Variants in LRIG2 observed in about 807,000 individuals in gnomAD.
LRIG2 encodes leucine rich repeats and immunoglobulin like domains 2.
In LRIG2, 93 loss-of-function variants were observed where a neutral mutation model predicts 107.8. That is an observed-to-expected ratio of 0.86 (90% CI 0.73 to 1.03). The LOEUF (loss-of-function observed/expected upper bound fraction) is 1.03, where lower values mean the gene tolerates loss of function less well. Ranked by LOEUF, LRIG2 falls within the 50% of genes least tolerant of loss-of-function variation. LRIG2 has a pLI of 0.00. For synonymous variants in LRIG2, 471 were observed against 470.6 expected (o/e 1.00, Z -0.01); for missense variants, 1,226 against 1,296.0 (o/e 0.95, Z 0.83).
intron 17 of LRIG2, 76 bp from the exon 18 acceptor site, chr1:113,123,799 A>G: frequency 8.9e-7 from 1 of 1,118,110 alleles, no homozygotes; most frequent in Non-Finnish European, 1.3e-6. Context: ...GAACATCTTT[A>G]TTTCTTTGAG....
At chr1:113,094,853 C>A (rs746008678) in intron 6 of LRIG2, 98 bp downstream of exon 6, 1 of 1,113,856 alleles carries the variant, frequency 9.0e-7, no homozygotes. Context: ...TATAGAGATA[C>A]ATTCATTCAT....
chr1:113,089,683 T>C (rs11102585), intron 1 of LRIG2, among the ~76,000 whole-genome samples: 1,869 of 132,928 alleles, frequency 0.014, 38 homozygotes, highest in East Asian at 0.034. Context: ...TTGCTTTTTT[T>C]TTTTTTTTTT....
intron 6 of LRIG2, 102 bp downstream of exon 6, chr1:113,094,857 C>A: frequency 2.8e-6 from 3 of 1,087,474 alleles, no homozygotes; most frequent in Non-Finnish European, 3.9e-6. Flanking sequence ...GAGATACATT[C>A]ATTCATTCCC....
chr1:113,094,368 T>C lies in LRIG2; in HGVS notation c.545T>C (p.Leu182Ser), dbSNP rs1264159902. Residue 182 changes from leucine (L) to serine (S), a missense_variant, in exon 5 of 18, where the codon TTG becomes TCG. Physicochemically the swap from Leu to Ser is moderately radical, Grantham distance 145. Transcript: ENST00000361127. ...LNLSNNRITT[L>S]EAGCFDNLSS... is the part of the protein sequence containing the mutation. ...TTAAGTAATAACAGAATAACCACCT[T>C]GGAGGCTGGTTGCTTCGATAATTTA... The C allele has an allele frequency of 1.9e-6, 3 of 1,611,982 alleles. No homozygotes were observed. The highest frequency in any genetic ancestry group is 8.5e-7 in the Non-Finnish European group (1 of 1,179,268).
intron 1 of LRIG2, among the ~76,000 whole-genome samples, chr1:113,074,691 G>T (rs1477656718): frequency 7.0e-6 from 1 of 143,072 alleles, no homozygotes; most frequent in Non-Finnish European, 1.5e-5. Flanking sequence ...GGCCGATCAC[G>T]AGGTCAAGAG....
intron 15 of LRIG2, among the ~76,000 whole-genome samples, chr1:113,115,408 G>C (rs1286685622): frequency 6.6e-6 from 1 of 151,992 alleles, no homozygotes; most frequent in Non-Finnish European, 1.5e-5. Context: ...GTCGGGTTTT[G>C]CCATGTTGCC....
chr1:113,123,998 A>G lies in LRIG2; in HGVS notation c.3095A>G (p.Glu1032Gly). ...CAAAATGAGGGCCTGGCAGGGAGAG[A>G]GCCAGACTGTTCTGCTTCTTCCATG... ...LHQNEGLAGREPDCSASSMSC... is the reference protein window; with the variant it reads ...LHQNEGLAGRGPDCSASSMSC... The change falls in exon 18 of 18, where the codon GAG (glutamate) becomes GGG (glycine). Residue 1032 changes from glutamate to glycine, a missense_variant. By Grantham distance (98) the Glu-to-Gly change is moderately conservative. Transcript: ENST00000361127. 6.2e-7 allele frequency: 1 copy of G among 1,614,088 alleles called. No individual in the cohort carries two copies. The highest frequency in any genetic ancestry group is 8.5e-7 in the Non-Finnish European group (1 of 1,179,996).
intron 1 of LRIG2, among the ~76,000 whole-genome samples, chr1:113,090,180 GTAT>G (rs1653741111): frequency 6.6e-6 from 1 of 152,148 alleles, no homozygotes; most frequent in Non-Finnish European, 1.5e-5. Context: ...GACCTAAGAT[GTAT>G]TATTGAGTGA....
At chr1:113,077,910 G>A (rs546899321) in intron 1 of LRIG2, among the ~76,000 whole-genome samples, 16 of 117,794 alleles carry the variant, frequency 1.4e-4, no homozygotes, top group Admixed American at 6.3e-4. Flanking sequence ...GACAGGCTCC[G>A]ATGTGTGATG....
In LRIG2 at chr1:113,107,589, T is replaced by C. The variant is rs558491746; in HGVS notation, c.1314-5T>C. 1.2e-6 allele frequency: 2 copies of C among 1,602,558 alleles called. No individual in the cohort carries two copies. Among genetic ancestry groups the C allele is most frequent in the African/African-American group, 2.7e-5 (2 of 74,266 alleles). On this transcript the variant is annotated splice_polypyrimidine_tract_variant and splice_region_variant and intron_variant, in intron 11 of 17. Transcript: ENST00000361127. ...AGGATGCTTTTCCTCTTTTCTTTCCTGCAGGATTCTGAACACAAGCAGTTT... is the reference window on the plus strand; with the variant it reads ...AGGATGCTTTTCCTCTTTTCTTTCCCGCAGGATTCTGAACACAAGCAGTTT...
At chr1:113,111,876 C>CA (rs1654788507) in intron 13 of LRIG2, among the ~76,000 whole-genome samples, 1 of 152,082 alleles carries the variant, frequency 6.6e-6, no homozygotes, top group African/African-American at 2.4e-5. Flanking sequence ...GGTGTGATCT[C>CA]AGCTCACTGC....
intron 8 of LRIG2, among the ~76,000 whole-genome samples, chr1:113,097,672 T>C (rs1467852977): frequency 6.6e-5 from 10 of 152,188 alleles, no homozygotes; most frequent in Non-Finnish European, 1.5e-5. Flanking sequence ...TTTTGGGAAG[T>C]AATAGCAGAA....
intron 1 of LRIG2, among the ~76,000 whole-genome samples, chr1:113,074,377 A>C (rs1414455593): frequency 6.6e-6 from 1 of 152,218 alleles, no homozygotes; most frequent in Non-Finnish European, 1.5e-5. Context: ...AAGCAGGTAC[A>C]ACGGTTGAAT....
At chr1:113,085,433 C>T (rs546979736) in intron 1 of LRIG2, among the ~76,000 whole-genome samples, 68 of 152,280 alleles carry the variant, frequency 4.5e-4, no homozygotes, top group Non-Finnish European at 6.6e-4. Flanking sequence ...AACAGGCATG[C>T]GCCACCATGC....
chr1:113,124,178 C>T lies in LRIG2; in HGVS notation c.*77C>T. The T allele has an allele frequency of 7.9e-7, 1 of 1,264,516 alleles. No individual in the cohort carries two copies. The highest frequency in any genetic ancestry group is 1.1e-6 in the Non-Finnish European group (1 of 882,372). The allele number at this position is 1,264,516 out of a possible 1,614,324, so 78.3% of individuals were successfully genotyped here. On this transcript the variant is annotated 3_prime_UTR_variant, in exon 18 of 18. Transcript: ENST00000361127. ...TTACTACCTCAGAGCTCAGAAGAAA[C>T]TCCGAAGTCAGCATTTGCTTTACTC... is the stretch of plus-strand genomic sequence containing the variant.
chr1:113,078,273 G>A (rs1193929833), intron 1 of LRIG2, among the ~76,000 whole-genome samples: 4 of 150,496 alleles, frequency 2.7e-5, no homozygotes, highest in Non-Finnish European at 5.9e-5. Flanking sequence ...GAGTCTTGCT[G>A]TGTTGCCCAG....
rs889946383 is a variant in LRIG2, at chr1:113,073,552, G to A, written c.146G>A (p.Cys49Tyr). The change falls in exon 1 of 18, where the codon TGC (cysteine) becomes TAC (tyrosine). Residue 49 changes from cysteine (C) to tyrosine (Y), a missense_variant. Physicochemically the swap from Cys to Tyr is radical, Grantham distance 194. Coordinates refer to ENST00000361127, the MANE Select transcript of LRIG2 (RefSeq NM_014813.3). ...GAGLCPAPCS[C>Y]RIPLLDCSRR... ...GGTCTCTGCCCCGCGCCCTGCTCCT[G>A]CCGCATTCCTCTCCTGGACTGCAGT... The A allele has an allele frequency of 7.4e-6, 12 of 1,613,990 alleles. No homozygotes were observed. In the African/African-American group the frequency reaches 1.6e-4, roughly 22 times the overall value.
intron 17 of LRIG2, among the ~76,000 whole-genome samples, chr1:113,122,313 C>T (rs1655298828): frequency 1.3e-5 from 2 of 151,992 alleles, no homozygotes; most frequent in Admixed American, 1.3e-4. Flanking sequence ...TCTCAAACTC[C>T]TGACCTCAGG....
At chr1:113,089,680 T>TTTG (rs1421601514) in intron 1 of LRIG2, among the ~76,000 whole-genome samples, 1 of 130,966 alleles carries the variant, frequency 7.6e-6, no homozygotes, top group Non-Finnish European at 1.6e-5. Flanking sequence ...GGATTGCTTT[T>TTTG]TTTTTTTTTT....
Sources: gnomAD v4.1 joint callset for allele counts (sites outside exome capture counted in the v4.1 genomes callset) on GRCh38, gnomAD v4.1.1 for gene constraint, MANE v1.5 for transcripts, NCBI Gene and HGNC (gene_info 2026-07-23, HGNC 2026-07-21) for gene names.